The following BICD1 variants were observed in gnomAD, a reference collection of about 807,000 sequenced individuals.
BICD1 encodes BICD cargo adaptor 1, also known as protein bicaudal D homolog 1.
BICD1 carries 35 observed loss-of-function variants against 92.5 expected under a neutral mutation model. That is an observed-to-expected ratio of 0.38 (90% CI 0.29 to 0.50). BICD1 has a LOEUF of 0.50. BICD1 is among the 20% of genes least tolerant of loss of function. The pLI, the probability that BICD1 is intolerant of heterozygous loss-of-function variation, is 0.93. For synonymous variants in BICD1, 429 were observed against 465.1 expected (o/e 0.92, Z 1.00); for missense variants, 950 against 1,189.8 (o/e 0.80, Z 2.97).
chr12:32,330,646 C>T (rs900910765), intron 5 of BICD1, among the ~76,000 whole-genome samples: 3 of 151,492 alleles, frequency 2.0e-5, no homozygotes, highest in African/African-American at 7.3e-5. Context: ...TGTGAGAGAT[C>T]TGACTCTAAT....
At chr12:32,144,110 A>G (rs950153092) in intron 1 of BICD1, among the ~76,000 whole-genome samples, 1 of 152,076 alleles carries the variant, frequency 6.6e-6, no homozygotes, top group Non-Finnish European at 1.5e-5. Flanking sequence ...TAAAATTCTC[A>G]ATTTGGTGAA....
chr12:32,161,796 C>T (rs1943610411), intron 1 of BICD1, among the ~76,000 whole-genome samples: 2 of 152,144 alleles, frequency 1.3e-5, no homozygotes, highest in Non-Finnish European at 2.9e-5. Flanking sequence ...TTGTATTTGT[C>T]ATTCTATGCC....
chr12:32,210,735 C>G (rs7965981), intron 1 of BICD1, among the ~76,000 whole-genome samples: 116,508 of 152,194 alleles, frequency 0.77, 45,481 homozygotes, highest in Middle Eastern at 0.89. Flanking sequence ...ACAAAAATTA[C>G]CCATGAAATG....
At chr12:32,115,503 C>T (rs949086769) in intron 1 of BICD1, among the ~76,000 whole-genome samples, 3 of 151,366 alleles carry the variant, frequency 2.0e-5, no homozygotes, top group Non-Finnish European at 2.9e-5. Context: ...CGAGACAAAG[C>T]TGCATTTTTA....
intron 2 of BICD1, among the ~76,000 whole-genome samples, chr12:32,280,835 G>A (rs1947392478): frequency 6.6e-6 from 1 of 152,138 alleles, no homozygotes; most frequent in Non-Finnish European, 1.5e-5. Flanking sequence ...TAAATCTGAT[G>A]TTCCATTCAG....
At chr12:32,257,377 T>C (rs745543810) in intron 2 of BICD1, among the ~76,000 whole-genome samples, 2 of 152,184 alleles carry the variant, frequency 1.3e-5, no homozygotes, top group Non-Finnish European at 1.5e-5. Flanking sequence ...AAATATGTTA[T>C]TTGTATTGCT....
chr12:32,247,505 A>G (rs962727037), intron 2 of BICD1, among the ~76,000 whole-genome samples: 3 of 152,170 alleles, frequency 2.0e-5, no homozygotes, highest in Non-Finnish European at 2.9e-5. Context: ...TGGGCCGGGC[A>G]TGGTGGCTCA....
At chr12:32,117,477 C>A (rs1040504097) in intron 1 of BICD1, among the ~76,000 whole-genome samples, 4 of 151,798 alleles carry the variant, frequency 2.6e-5, no homozygotes, top group African/African-American at 9.7e-5. Flanking sequence ...TTATGTTTTG[C>A]TTTATTTTCA....
chr12:32,288,737 G>A (rs538877792), intron 2 of BICD1, among the ~76,000 whole-genome samples: 2 of 151,918 alleles, frequency 1.3e-5, no homozygotes, highest in South Asian at 4.2e-4. Context: ...GTGGTAGCAG[G>A]CACCTGTAAT....
intron 1 of BICD1, among the ~76,000 whole-genome samples, chr12:32,125,860 G>A (rs1479804473): frequency 6.8e-6 from 1 of 147,380 alleles, no homozygotes; most frequent in Non-Finnish European, 1.5e-5. Context: ...GGGGCAACAT[G>A]GCAAGACCCC....
chr12:32,250,205 C>T (rs1386548343), intron 2 of BICD1, among the ~76,000 whole-genome samples: 1 of 152,174 alleles, frequency 6.6e-6, no homozygotes, highest in Non-Finnish European at 1.5e-5. Context: ...ATGGGCCATT[C>T]TGCAGTTACA....
rs778850950 is a variant in BICD1 at position 32,166,105 on chromosome 12, CATTTATTT to C, written c.214-50105_214-50098del. On this transcript the variant is annotated intron_variant, in intron 1 of 9. Transcript: ENST00000652176. The stretch of plus-strand genomic sequence containing the variant: ...TGGGACATTTGGCAATGTCTGGAGA[CATTTATTT>C]ATTTATTTATTTATTTATTTATTTA... 1.5e-3 allele frequency among the ~76,000 whole-genome samples: 189 copies of C among 121,946 alleles called. 1 individual carries two copies. Among genetic ancestry groups the C allele is most frequent in the African/African-American group, 5.2e-3 (174 of 33,516 alleles). 80.0% of individuals were successfully genotyped at this position (121,946 alleles called of 152,430 possible).
At chr12:32,152,041 C>G (rs1943303964) in intron 1 of BICD1, among the ~76,000 whole-genome samples, 1 of 152,126 alleles carries the variant, frequency 6.6e-6, no homozygotes, top group Non-Finnish European at 1.5e-5. Context: ...ACTGCAACCT[C>G]TGCCTCCCGG....
At chr12:32,143,778 C>T (rs12314171) in intron 1 of BICD1, among the ~76,000 whole-genome samples, 1 of 152,058 alleles carries the variant, frequency 6.6e-6, no homozygotes, top group Non-Finnish European at 1.5e-5. Context: ...TGAGAATTCT[C>T]TATTCTCACC....
intron 2 of BICD1, among the ~76,000 whole-genome samples, chr12:32,251,989 A>AATATATTTATAATACATATTTATAATATC (rs1555156942): frequency 4.8e-5 from 5 of 104,254 alleles, no homozygotes; most frequent in Admixed American, 4.8e-4. Context: ...CTATATATAT[A>AATATATTTATAATACATATTTATAATATC]ATATATTTAT....
chr12:32,217,309 A>G (rs1220063935), intron 2 of BICD1, among the ~76,000 whole-genome samples: 1 of 152,244 alleles, frequency 6.6e-6, no homozygotes, highest in East Asian at 1.9e-4. Flanking sequence ...CTAGTTGAGC[A>G]TTTTAGTGAT....
At chr12:32,121,591 C>CAAAAAT (rs55816130) in intron 1 of BICD1, among the ~76,000 whole-genome samples, 2,134 of 138,242 alleles carry the variant, frequency 0.015, 25 homozygotes, top group South Asian at 0.027. Flanking sequence ...GTTCTGTCTC[C>CAAAAAT]AAAAATAAAA....
intron 1 of BICD1, among the ~76,000 whole-genome samples, chr12:32,172,359 G>C (rs1030297111): frequency 6.6e-6 from 1 of 152,178 alleles, no homozygotes; most frequent in Non-Finnish European, 1.5e-5. Flanking sequence ...CAGGGAAATT[G>C]ATTTGCAAGC....
intron 8 of BICD1, among the ~76,000 whole-genome samples, chr12:32,354,787 TA>T (rs1490094650): frequency 6.6e-6 from 1 of 152,224 alleles, no homozygotes; most frequent in African/African-American, 2.4e-5. Context: ...TTTTTGAAAA[TA>T]GTTATTTTCC....
Sources: gnomAD v4.1 joint callset for allele counts (sites outside exome capture counted in the v4.1 genomes callset) on GRCh38, gnomAD v4.1.1 for gene constraint, MANE v1.5 for transcripts, NCBI Gene and HGNC (gene_info 2026-07-23, HGNC 2026-07-21) for gene names.